Variants in C11orf97 observed in about 807,000 individuals in gnomAD.
C11orf97 encodes the protein uncharacterized protein C11orf97.
C11orf97 carries 15 observed loss-of-function variants against 16.2 expected under a neutral mutation model. The ratio of observed to expected loss-of-function variants is 0.93; its 90% confidence interval spans 0.62 to 1.43. C11orf97 has a LOEUF of 1.43. C11orf97 is among the 40% of genes most tolerant of loss of function. C11orf97 has a pLI of 0.00. For synonymous variants in C11orf97, 61 were observed against 65.7 expected (o/e 0.93, Z 0.34); for missense variants, 171 against 161.2 (o/e 1.06, Z -0.33).
chr11:94,529,916 C>G (rs1427801020), intron 3 of C11orf97, among the ~76,000 whole-genome samples: 1 of 152,216 alleles, frequency 6.6e-6, no homozygotes, highest in African/African-American at 2.4e-5. Context: ...TTTATCTCAA[C>G]TTTCCACTCA....
At chr11:94,531,493 C>G (rs1442444816) in intron 3 of C11orf97, among the ~76,000 whole-genome samples, 1 of 129,786 alleles carries the variant, frequency 7.7e-6, no homozygotes, top group Non-Finnish European at 1.6e-5. Flanking sequence ...AACCTTTTAT[C>G]GTTTCCTTCT....
intron 3 of C11orf97, among the ~76,000 whole-genome samples, chr11:94,529,943 T>C (rs1441743526): frequency 6.6e-6 from 1 of 152,238 alleles, no homozygotes; most frequent in African/African-American, 2.4e-5. Context: ...TAGGTTCCAC[T>C]TATTGTAGGT....
At chr11:94,529,722 T>A (rs143719789) in intron 3 of C11orf97, among the ~76,000 whole-genome samples, 1 of 152,274 alleles carries the variant, frequency 6.6e-6, no homozygotes, top group African/African-American at 2.4e-5. Flanking sequence ...GCAGAGAATC[T>A]AGTCACTGTG....
intron 2 of C11orf97, among the ~76,000 whole-genome samples, chr11:94,520,038 G>T (rs1473044594): frequency 6.6e-6 from 1 of 152,170 alleles, no homozygotes; most frequent in Admixed American, 6.5e-5. Context: ...GAATTGTGTG[G>T]TTCCTATAGC....
chr11:94,516,127 G>A (rs1947609879), intron 1 of C11orf97, among the ~76,000 whole-genome samples: 1 of 152,162 alleles, frequency 6.6e-6, no homozygotes, highest in Non-Finnish European at 1.5e-5. Flanking sequence ...GTCTGAGGGT[G>A]TGTCTGGGTC....
At chr11:94,528,473 T>C (rs987574629) in intron 3 of C11orf97, among the ~76,000 whole-genome samples, 3 of 152,234 alleles carry the variant, frequency 2.0e-5, no homozygotes, top group African/African-American at 7.2e-5. Context: ...TTACTTTCTA[T>C]CTACACAAGA....
Position 94,512,550 on chromosome 11 carries a change from G to T in C11orf97, c.22G>T (p.Val8Leu). 1 of 1,312,322 alleles carries T rather than the reference G, an allele frequency of 7.6e-7. No individual in the cohort carries two copies. The allele number at this position is 1,312,322 out of a possible 1,614,324, so 81.3% of individuals were successfully genotyped here. The change falls in exon 1 of 4, where the codon GTG becomes TTG. Residue 8 changes from valine to leucine, a missense_variant. Transcript: ENST00000542198. ...CGGCATGACAGGCGAGGAGGCGGTG[G>T]TGGTGACCGCAGTGGTGGCGCCCAA... The part of the protein sequence containing the change: MTGEEAV[V>L]VTAVVAPKAG...
chr11:94,522,505 C>A (rs117906588), intron 2 of C11orf97, among the ~76,000 whole-genome samples: 6,978 of 152,268 alleles, frequency 0.046, 227 homozygotes, highest in Middle Eastern at 0.099. Context: ...CATTGCACTC[C>A]GGCCTGGGCA....
In C11orf97 at chr11:94,517,671, T is replaced by TA. The variant is rs753313009; in HGVS notation, c.239dup (p.Asn80LysfsTer14). On this transcript the variant is annotated frameshift_variant, in exon 2 of 4. Transcript: ENST00000542198. LOFTEE classifies it high-confidence loss of function. ...ATATTAAGAGAGATGAATGCCACATTAAAAATCCAGCTGCAGGTAATCTCA... is the reference window on the plus strand; with the variant it reads ...ATATTAAGAGAGATGAATGCCACATTAAAAAATCCAGCTGCAGGTAATCTCA... 36 of 1,526,606 alleles carry TA rather than the reference T, an allele frequency of 2.4e-5. No individual in the cohort carries two copies. The African/African-American group carries it at 4.8e-4, about 20-fold the overall frequency. 94.6% of individuals were successfully genotyped at this position (1,526,606 alleles called of 1,614,324 possible).
At chr11:94,520,497 T>C (rs913422993) in intron 2 of C11orf97, among the ~76,000 whole-genome samples, 1 of 152,202 alleles carries the variant, frequency 6.6e-6, no homozygotes, top group Non-Finnish European at 1.5e-5. Flanking sequence ...TTCTACCCTA[T>C]ACTTTTCCCC....
chr11:94,518,668 C>T (rs1212798056), intron 2 of C11orf97, among the ~76,000 whole-genome samples: 1 of 152,166 alleles, frequency 6.6e-6, no homozygotes, highest in Non-Finnish European at 1.5e-5. Context: ...TTCATGGTTC[C>T]TTCTCAACGA....
Position 94,531,997 on chromosome 11 carries a change from C to A in C11orf97, c.*97C>A. The A allele has an allele frequency of 2.0e-6, 2 of 989,946 alleles. No homozygotes were observed. The highest frequency in any genetic ancestry group is 2.8e-6 in the Non-Finnish European group (2 of 718,910). 61.3% of individuals were successfully genotyped at this position (989,946 alleles called of 1,614,324 possible). ...CTTGTTTCAGGATTTAAGATGTGTG[C>A]AAAAAAATGATAGCCTGTAATTACT... On this transcript the variant is annotated 3_prime_UTR_variant, in exon 4 of 4. Transcript: ENST00000542198.
At chr11:94,522,603 C>A (rs2135181659) in intron 2 of C11orf97, among the ~76,000 whole-genome samples, 1 of 152,212 alleles carries the variant, frequency 6.6e-6, no homozygotes, top group East Asian at 1.9e-4. Flanking sequence ...CCTATACCAC[C>A]CATCTCAATG....
At chr11:94,519,132 A>T (rs995784730) in intron 2 of C11orf97, among the ~76,000 whole-genome samples, 16 of 151,420 alleles carry the variant, frequency 1.1e-4, no homozygotes, top group Admixed American at 4.6e-4. Flanking sequence ...TTGGTCTTGA[A>T]CTCCTGACCT....
chr11:94,531,997 C>G lies in C11orf97; in HGVS notation c.*97C>G. ...CTTGTTTCAGGATTTAAGATGTGTG[C>G]AAAAAAATGATAGCCTGTAATTACT... On this transcript the variant is annotated 3_prime_UTR_variant, in exon 4 of 4. Coordinates refer to ENST00000542198, the MANE Select transcript of C11orf97 (RefSeq NM_001190462.2). 1.0e-6 allele frequency: 1 copy of G among 989,958 alleles called. No individual in the cohort carries two copies. Among genetic ancestry groups the G allele is most frequent in the Non-Finnish European group, 1.4e-6 (1 of 718,922 alleles). 61.3% of individuals were successfully genotyped at this position (989,958 alleles called of 1,614,324 possible).
Position 94,532,011 on chromosome 11 carries a change from C to A in C11orf97, c.*111C>A. 2 of 794,046 alleles carry A rather than the reference C, an allele frequency of 2.5e-6. No individual in the cohort carries two copies. Among genetic ancestry groups the A allele is most frequent in the South Asian group, 4.9e-5 (2 of 40,542 alleles). 49.2% of individuals were successfully genotyped at this position (794,046 alleles called of 1,614,324 possible). A position where few individuals can be genotyped will look rare whatever the true frequency, so the allele number is the denominator to read the frequency against. Reference sequence around the variant, plus strand: ...TAAGATGTGTGCAAAAAAATGATAGCCTGTAATTACTATTATTGGTATTAA... The same window carrying A: ...TAAGATGTGTGCAAAAAAATGATAGACTGTAATTACTATTATTGGTATTAA... On this transcript the variant is annotated 3_prime_UTR_variant, in exon 4 of 4. Transcript: ENST00000542198.
At chr11:94,516,493 T>C (rs116280065) in intron 1 of C11orf97, among the ~76,000 whole-genome samples, 1,592 of 152,318 alleles carry the variant, frequency 0.01, 34 homozygotes, top group African/African-American at 0.036. Context: ...ACACATTTGT[T>C]GAGCATTTAT....
intron 2 of C11orf97, among the ~76,000 whole-genome samples, chr11:94,520,600 C>A (rs907465347): frequency 6.6e-6 from 1 of 152,144 alleles, no homozygotes; most frequent in Non-Finnish European, 1.5e-5. Context: ...TTCTCTATTC[C>A]CAGGCTTTTA....
chr11:94,518,698 T>C (rs1335015745), intron 2 of C11orf97, among the ~76,000 whole-genome samples: 2 of 152,212 alleles, frequency 1.3e-5, no homozygotes, highest in Non-Finnish European at 2.9e-5. Context: ...GCATATTTCA[T>C]GCTCTCAAAT....
Sources: allele counts gnomAD v4.1 joint callset (sites outside exome capture counted in the v4.1 genomes callset), GRCh38; gene constraint gnomAD v4.1.1; transcripts MANE v1.5; gene names NCBI Gene and HGNC (gene_info 2026-07-23, HGNC 2026-07-21).